The following PARD3 variants were observed in gnomAD, a reference collection of about 807,000 sequenced individuals.
The protein encoded by PARD3 is par-3 family cell polarity regulator.
In PARD3, 75 loss-of-function variants were observed where a neutral mutation model predicts 155.4. The ratio of observed to expected loss-of-function variants is 0.48; its 90% CI spans 0.40 to 0.58. PARD3 has a LOEUF of 0.58. Ranked by LOEUF, PARD3 falls within the 20% of genes least tolerant of loss-of-function variation. The pLI is 0.00. For synonymous variants in PARD3, 576 were observed against 610.5 expected, an observed-to-expected ratio of 0.94 and a Z score of 0.83; for missense variants, 1,642 against 1,721.7, an observed-to-expected ratio of 0.95 and a Z score of 0.82.
chr10:34,680,576 G>C (rs1590610511), intron 2 of PARD3, among the ~76,000 whole-genome samples: 1 of 150,928 alleles, frequency 6.6e-6, no homozygotes, highest in African/African-American at 2.4e-5. Flanking sequence ...AAAAATGAGG[G>C]GAGGGGAAGG....
At chr10:34,510,879 A>T (rs1017801858) in intron 3 of PARD3, among the ~76,000 whole-genome samples, 6 of 152,230 alleles carry the variant, frequency 3.9e-5, no homozygotes, top group African/African-American at 1.4e-4. Context: ...TCTTTTAAAA[A>T]TAATTTCAAT....
At chr10:34,584,746 G>T (rs1170356941) in intron 2 of PARD3, among the ~76,000 whole-genome samples, 5 of 152,046 alleles carry the variant, frequency 3.3e-5, no homozygotes, top group Admixed American at 6.6e-5. Context: ...GCCATCTAAT[G>T]ATGGCTGTCA....
intron 2 of PARD3, among the ~76,000 whole-genome samples, chr10:34,628,170 G>C (rs1170577439): frequency 6.6e-6 from 1 of 152,132 alleles, no homozygotes; most frequent in African/African-American, 2.4e-5. Context: ...CCCTTTTCCT[G>C]TTGAGAGATA....
intron 2 of PARD3, among the ~76,000 whole-genome samples, chr10:34,573,578 G>A (rs150938084): frequency 1.8e-3 from 281 of 152,088 alleles, no homozygotes; most frequent in African/African-American, 6.4e-3. Flanking sequence ...CTGGCGGCAG[G>A]CACCTGTAGT....
At chr10:34,777,769 T>C (rs1344144097) in intron 1 of PARD3, among the ~76,000 whole-genome samples, 1 of 151,972 alleles carries the variant, frequency 6.6e-6, no homozygotes, top group African/African-American at 2.4e-5. Flanking sequence ...TGGGCTCAAA[T>C]GATCCTCCTG....
intron 1 of PARD3, among the ~76,000 whole-genome samples, chr10:34,787,759 TG>T (rs1307580763): frequency 2.7e-5 from 4 of 150,134 alleles, no homozygotes; most frequent in Admixed American, 6.7e-5. Context: ...ACACAGCAAA[TG>T]GGCAACCAAC....
intron 1 of PARD3, among the ~76,000 whole-genome samples, chr10:34,767,624 A>G (rs992307964): frequency 1.3e-5 from 2 of 151,742 alleles, no homozygotes; most frequent in Admixed American, 6.6e-5. Context: ...TTTGAGATGG[A>G]GTCTTGCTCT....
chr10:34,530,556 C>T (rs2082777180), intron 2 of PARD3, among the ~76,000 whole-genome samples: 2 of 152,118 alleles, frequency 1.3e-5, no homozygotes, highest in Admixed American at 1.3e-4. Flanking sequence ...GTCCTTCATC[C>T]CCCACTTTTT....
At chr10:34,438,208 C>T (rs948408370) in intron 5 of PARD3, among the ~76,000 whole-genome samples, 3 of 152,146 alleles carry the variant, frequency 2.0e-5, no homozygotes, top group Admixed American at 6.5e-5. Flanking sequence ...AGTTCACAAA[C>T]GATTAAACTT....
chr10:34,122,568 A>C (rs1045294620), intron 23 of PARD3, among the ~76,000 whole-genome samples: 1 of 152,194 alleles, frequency 6.6e-6, no homozygotes, highest in Non-Finnish European at 1.5e-5. Context: ...CATTGGCTTC[A>C]CCATTAATAG....
intron 2 of PARD3, among the ~76,000 whole-genome samples, chr10:34,598,070 T>C (rs2089451855): frequency 1.3e-5 from 2 of 152,166 alleles, no homozygotes; most frequent in Admixed American, 1.3e-4. Context: ...AAGTAACAAC[T>C]GTTACGCCTA....
chr10:34,399,137 C>G (rs1843637917), intron 7 of PARD3, among the ~76,000 whole-genome samples, 193 bp downstream of exon 7: 1 of 152,130 alleles, frequency 6.6e-6, no homozygotes, highest in Admixed American at 6.6e-5. Flanking sequence ...CACGTTCCTG[C>G]AAAACCTCTC....
intron 20 of PARD3, among the ~76,000 whole-genome samples, chr10:34,300,294 G>C (rs934668364): frequency 2.3e-4 from 35 of 152,194 alleles, no homozygotes; most frequent in African/African-American, 8.2e-4. Context: ...TGAGTACATA[G>C]TGGGGGCTCC....
chr10:34,775,926 T>A (rs902538696), intron 1 of PARD3, among the ~76,000 whole-genome samples: 4 of 152,124 alleles, frequency 2.6e-5, no homozygotes, highest in African/African-American at 9.7e-5. Context: ...CTTTGTTCAT[T>A]TTACAAAGTA....
At chr10:34,378,794 A>G (rs896315850) in intron 9 of PARD3, among the ~76,000 whole-genome samples, 1 of 152,206 alleles carries the variant, frequency 6.6e-6, no homozygotes, top group Non-Finnish European at 1.5e-5. Flanking sequence ...TCTGGGGATC[A>G]TATTATGCTT....
At chr10:34,753,527 T>C (rs977509816) in intron 1 of PARD3, among the ~76,000 whole-genome samples, 1 of 152,220 alleles carries the variant, frequency 6.6e-6, no homozygotes, top group African/African-American at 2.4e-5. Flanking sequence ...AGAAAGTAGC[T>C]CATGTTCTGG....
At chr10:34,799,858 T>C (rs1425783593) in intron 1 of PARD3, among the ~76,000 whole-genome samples, 1 of 149,710 alleles carries the variant, frequency 6.7e-6, no homozygotes, top group Non-Finnish European at 1.5e-5. Context: ...CCAAGTGTGG[T>C]GGCGCATGCC....
intron 22 of PARD3, among the ~76,000 whole-genome samples, chr10:34,161,680 G>T (rs1009727141): frequency 2.6e-5 from 4 of 152,134 alleles, no homozygotes; most frequent in Non-Finnish European, 5.9e-5. Context: ...AGAACAAAAA[G>T]GAAAGTGGCA....
chr10:34,525,436 C>A (rs1488448756), intron 2 of PARD3, among the ~76,000 whole-genome samples: 1 of 152,186 alleles, frequency 6.6e-6, no homozygotes, highest in African/African-American at 2.4e-5. Context: ...GACCTCAAAC[C>A]CGTCTCAGGC....
Sources: allele counts gnomAD v4.1 joint callset (sites outside exome capture counted in the v4.1 genomes callset), GRCh38; gene constraint gnomAD v4.1.1; transcripts MANE v1.5; gene names NCBI Gene and HGNC (gene_info 2026-07-23, HGNC 2026-07-21).